Variants in SKAP1 observed in about 807,000 individuals in gnomAD.
SKAP1 encodes the protein src kinase associated phosphoprotein 1.
A neutral mutation model predicts 58.5 loss-of-function variants in SKAP1; 44 were observed. That is an observed-to-expected ratio of 0.75 (90% CI 0.59 to 0.97). SKAP1 has a LOEUF of 0.97. Ranked by LOEUF, SKAP1 falls within the 50% of genes least tolerant of loss-of-function variation. The pLI is 0.00. For missense variants in SKAP1, 390 were observed against 435.2 expected (o/e 0.90, Z 0.92); for synonymous variants, 127 against 149.7 (o/e 0.85, Z 1.11).
intron 4 of SKAP1, among the ~76,000 whole-genome samples, chr17:48,193,339 G>A (rs1463683259): frequency 1.3e-5 from 2 of 152,072 alleles, no homozygotes; most frequent in Admixed American, 6.6e-5. Context: ...CACCGCACCC[G>A]GTCTATGTTG....
intron 11 of SKAP1, among the ~76,000 whole-genome samples, chr17:48,156,736 T>C (rs1474537269): frequency 6.6e-6 from 1 of 152,232 alleles, no homozygotes; most frequent in Non-Finnish European, 1.5e-5. Context: ...GTCCTCCTGC[T>C]GACTGTGCCA....
At position 48,405,581 on chromosome 17, in the gene SKAP1, C is replaced by A. The variant is rs546403818; in HGVS notation, c.47-8796G>T. ...CCAATGGCGCTATCTCGGCTCACTG[C>A]AACCTCCGCCTCCTGGGTTCAAGTG... On this transcript the variant is annotated intron_variant, in intron 1 of 12. Coordinates refer to ENST00000336915, the MANE Select transcript of SKAP1 (RefSeq NM_003726.4). 2.0e-5 allele frequency among the ~76,000 whole-genome samples: 3 copies of A among 150,840 alleles called. No individual in the cohort carries two copies. The East Asian group carries it at 5.8e-4, about 29-fold the overall frequency.
chr17:48,350,421 C>T (rs185689251), intron 3 of SKAP1, among the ~76,000 whole-genome samples: 46 of 152,264 alleles, frequency 3.0e-4, no homozygotes, highest in African/African-American at 9.6e-4. Flanking sequence ...TGCAGCCGGG[C>T]GTGGTGGCTC....
intron 6 of SKAP1, among the ~76,000 whole-genome samples, chr17:48,185,782 A>G (rs2064442829): frequency 6.6e-6 from 1 of 152,220 alleles, no homozygotes; most frequent in Non-Finnish European, 1.5e-5. Context: ...CACAAACACT[A>G]TTCTTACTAA....
At chr17:48,435,922 G>A in the SKAP1 span, among the ~76,000 whole-genome samples, 2 of 152,228 alleles carry the variant, frequency 1.3e-5, no homozygotes, top group Non-Finnish European at 2.9e-5. Flanking sequence ...TAGAGTCAGA[G>A]ATAAAAACAG....
intron 4 of SKAP1, among the ~76,000 whole-genome samples, chr17:48,312,092 A>G (rs987255233): frequency 9.2e-5 from 14 of 152,222 alleles, no homozygotes; most frequent in African/African-American, 3.4e-4. Flanking sequence ...CATGAATCAC[A>G]TTTAACATTA....
intron 3 of SKAP1, among the ~76,000 whole-genome samples, chr17:48,356,679 T>C (rs1371689216): frequency 6.6e-6 from 1 of 152,182 alleles, no homozygotes; most frequent in Non-Finnish European, 1.5e-5. Flanking sequence ...CTGCTCCATA[T>C]CAGCAATATA....
chr17:48,209,543 A>G (rs1399461421), intron 4 of SKAP1, among the ~76,000 whole-genome samples: 5 of 152,208 alleles, frequency 3.3e-5, no homozygotes, highest in African/African-American at 9.6e-5. Flanking sequence ...AATGATCACT[A>G]AATGACTCTT....
chr17:48,374,973 A>G (rs1245598979), intron 2 of SKAP1, among the ~76,000 whole-genome samples: 1 of 152,212 alleles, frequency 6.6e-6, no homozygotes, highest in East Asian at 1.9e-4. Flanking sequence ...CCAATTCCTT[A>G]ATCTCACCAA....
chr17:48,278,111 T>C (rs1470908032), intron 4 of SKAP1, among the ~76,000 whole-genome samples: 3 of 152,328 alleles, frequency 2.0e-5, no homozygotes, highest in East Asian at 3.9e-4. Flanking sequence ...AGACATAATA[T>C]AGTCACTGTC....
intron 4 of SKAP1, among the ~76,000 whole-genome samples, chr17:48,259,836 G>A (rs1340023724): frequency 6.6e-6 from 1 of 152,044 alleles, no homozygotes; most frequent in Non-Finnish European, 1.5e-5. Context: ...CAGGAAAAAA[G>A]GTCAGCTTTA....
chr17:48,395,992 C>A (rs1197948893), intron 2 of SKAP1, among the ~76,000 whole-genome samples: 1 of 152,194 alleles, frequency 6.6e-6, no homozygotes. Flanking sequence ...ATCACATTGC[C>A]ACCAGGTTTG....
chr17:48,259,280 A>C (rs2143920997), intron 4 of SKAP1, among the ~76,000 whole-genome samples: 1 of 152,244 alleles, frequency 6.6e-6, no homozygotes, highest in South Asian at 2.1e-4. Context: ...AAGAAGAAAA[A>C]ATAATTCAAA....
Position 48,180,156 on chromosome 17 carries a change from T to G in SKAP1, c.724A>C (p.Ser242Arg). Reference protein sequence around the residue: ...YDDIDGFDSPSCGSQCRPTIL... With the variant: ...YDDIDGFDSPRCGSQCRPTIL... ...GTGGGTCTGCACTGGGAACCACAAC[T>G]TGGGGAGTCAAAACCATCAATATCA... is the stretch of plus-strand genomic sequence containing the variant. The change falls in exon 9 of 13, where the codon AGT becomes CGT. Residue 242 changes from serine (S) to arginine (R), a missense_variant. Ser to Arg is a moderately radical substitution (Grantham distance 110, BLOSUM62 -1). Transcript: ENST00000336915. 4 of 1,613,882 alleles carry G rather than the reference T, an allele frequency of 2.5e-6. No homozygotes were observed. In the South Asian group the frequency reaches 3.3e-5, roughly 13 times the overall value.
intron 6 of SKAP1, chr17:48,185,177 C>T (rs1290600813): frequency 4.4e-6 from 1 of 225,988 alleles, no homozygotes; most frequent in Non-Finnish European, 8.6e-6. Context: ...AAATGTGAGG[C>T]TCTTGAAGGC....
At chr17:48,219,860 G>A (rs559126633) in intron 4 of SKAP1, among the ~76,000 whole-genome samples, 1 of 152,234 alleles carries the variant, frequency 6.6e-6, no homozygotes, top group South Asian at 2.1e-4. Flanking sequence ...ATGCAAATGA[G>A]GGCTAGGCTA....
At chr17:48,290,304 A>G (rs758843258) in intron 4 of SKAP1, among the ~76,000 whole-genome samples, 1 of 152,234 alleles carries the variant, frequency 6.6e-6, no homozygotes, top group Non-Finnish European at 1.5e-5. Context: ...GGAAAGAAAC[A>G]AAACCATTAA....
chr17:48,320,046 T>A (rs1312188850), intron 4 of SKAP1, among the ~76,000 whole-genome samples: 1 of 151,550 alleles, frequency 6.6e-6, no homozygotes, highest in African/African-American at 2.4e-5. Flanking sequence ...AAAACAAAAT[T>A]ACCAGGATAT....
At chr17:48,139,187 T>A (rs1303997235) in intron 11 of SKAP1, among the ~76,000 whole-genome samples, 1 of 135,302 alleles carries the variant, frequency 7.4e-6, no homozygotes, top group Non-Finnish European at 1.6e-5. Flanking sequence ...CCAAAATAAA[T>A]TTTTTTTTTT....
Sources: allele counts gnomAD v4.1 joint callset (sites outside exome capture counted in the v4.1 genomes callset), GRCh38; gene constraint gnomAD v4.1.1; transcripts MANE v1.5; gene names NCBI Gene and HGNC (gene_info 2026-07-23, HGNC 2026-07-21).